Variants in RIPOR3 observed in about 807,000 individuals in gnomAD.
The protein encoded by RIPOR3 is family with sequence similarity 65 member C.
Under a neutral mutation model 114.3 loss-of-function variants are expected in RIPOR3, and 95 were observed. The ratio of observed to expected loss-of-function variants is 0.83; its 90% CI spans 0.70 to 0.99. RIPOR3 has a LOEUF of 0.99. Among genes scored for constraint, RIPOR3 ranks in the 50% least tolerant of loss-of-function variants. The probability of loss-of-function intolerance (pLI) is 0.00; values close to 1 mark genes in which losing one functional copy is unlikely to be tolerated. For synonymous variants in RIPOR3, 575 were observed against 543.8 expected, an observed-to-expected ratio of 1.06 and a Z score of -0.80; for missense variants, 1,252 against 1,266.9, an observed-to-expected ratio of 0.99 and a Z score of 0.18.
chr20:50,630,984 G>C, intron 1 of RIPOR3, 128 bp from the exon 2 acceptor site: 1 of 722,836 alleles, frequency 1.4e-6, no homozygotes, highest in Non-Finnish European at 2.3e-6. Flanking sequence ...GGCTGGTACT[G>C]TGCCCAGCTC....
Position 50,604,629 on chromosome 20 carries a change from G to T in RIPOR3, c.1086+16C>A. The T allele has an allele frequency of 6.2e-7, 1 of 1,600,106 alleles. No individual in the cohort carries two copies. Among genetic ancestry groups the T allele is most frequent in the South Asian group, 1.1e-5 (1 of 89,880 alleles). ...AGGGTGACCACAGCGGCCCTGCCCC[G>T]GGAAGGCTCACTCACCAGGTAGTAT... On this transcript the variant is annotated intron_variant, in intron 12 of 21. Transcript: ENST00000327979.
At chr20:50,609,042 A>G in intron 8 of RIPOR3, 87 bp from the exon 9 acceptor site, 2 of 1,519,332 alleles carry the variant, frequency 1.3e-6, no homozygotes, top group Non-Finnish European at 1.8e-6. Flanking sequence ...TCCCCCGAGT[A>G]TAGATTTTCA....
At position 50,643,792 on chromosome 20, in the gene RIPOR3, G is replaced by A. The variant is rs574642448; in HGVS notation, c.4-12936C>T. Among the ~76,000 whole-genome samples the A allele has an allele frequency of 1.3e-4, 19 of 147,222 alleles. No individual in the cohort carries two copies. The East Asian group carries it at 1.5e-3, about 12-fold the overall frequency. ...GCAATCTCGGCTCACTGCAAGCTCC[G>A]CCTCCCGGGTTCACGCCATTCTGCC... is the stretch of plus-strand genomic sequence containing the variant. On this transcript the variant is annotated intron_variant, in intron 1 of 21. Coordinates refer to ENST00000327979, the MANE Select transcript of RIPOR3 (RefSeq NM_001290268.2).
intron 12 of RIPOR3, 44 bp downstream of exon 12, chr20:50,604,601 C>T (rs1415363485): frequency 6.4e-7 from 1 of 1,570,620 alleles, no homozygotes; most frequent in Non-Finnish European, 8.6e-7. Flanking sequence ...CTGCCCCCAT[C>T]CCAGGGTGAC....
intron 1 of RIPOR3, among the ~76,000 whole-genome samples, chr20:50,687,336 T>A (rs929533798): frequency 1.3e-5 from 2 of 152,252 alleles, no homozygotes; most frequent in Admixed American, 1.3e-4. Flanking sequence ...GGAGTTTGGC[T>A]GCTGGTTTAA....
At chr20:50,590,161 T>C (rs375266121) in intron 19 of RIPOR3, 388 of 235,130 alleles carry the variant, frequency 1.7e-3, no homozygotes, top group African/African-American at 8.2e-3. Context: ...GGCTGCTGCC[T>C]TGGGCCAGAG....
chr20:50,646,441 G>A (rs2085402441), intron 1 of RIPOR3, among the ~76,000 whole-genome samples: 1 of 152,166 alleles, frequency 6.6e-6, no homozygotes, highest in African/African-American at 2.4e-5. Context: ...CCAGGACTGA[G>A]CAACTTTAAG....
At chr20:50,634,210 G>A (rs1415220822) in intron 1 of RIPOR3, among the ~76,000 whole-genome samples, 1 of 151,990 alleles carries the variant, frequency 6.6e-6, no homozygotes, top group Admixed American at 6.6e-5. Context: ...TCGAACTCCT[G>A]AGCTCAAGCG....
At chr20:50,597,520 C>A in intron 14 of RIPOR3, 60 bp downstream of exon 14, 2 of 1,556,112 alleles carry the variant, frequency 1.3e-6, no homozygotes, top group Non-Finnish European at 1.7e-6. Context: ...AAACGTGGAG[C>A]TCGGGTCACC....
At chr20:50,641,318 G>A (rs530935754) in intron 1 of RIPOR3, among the ~76,000 whole-genome samples, 72 of 151,800 alleles carry the variant, frequency 4.7e-4, no homozygotes, top group Admixed American at 2.6e-3. Context: ...GGGTTCAAGC[G>A]ATCCTCCCAT....
chr20:50,688,212 G>A (rs764589923), intron 1 of RIPOR3, among the ~76,000 whole-genome samples: 2 of 152,076 alleles, frequency 1.3e-5, no homozygotes, highest in Admixed American at 1.3e-4. Context: ...GTGCAATGGT[G>A]AGATCACAGC....
At chr20:50,591,987 C>A in intron 19 of RIPOR3, among the ~76,000 whole-genome samples, 1 of 152,144 alleles carries the variant, frequency 6.6e-6, no homozygotes, top group East Asian at 1.9e-4. Flanking sequence ...CCCAGCTACT[C>A]AGGAGGCTGA....
intron 21 of RIPOR3, 138 bp from the exon 22 acceptor site, chr20:50,587,470 C>T (rs1236666111): frequency 1.1e-4 from 76 of 703,508 alleles, no homozygotes; most frequent in South Asian, 8.5e-4. Context: ...GGAGTATGTG[C>T]GGGAGCCCCC....
chr20:50,663,779 A>G (rs2123469825), intron 1 of RIPOR3, among the ~76,000 whole-genome samples: 1 of 152,200 alleles, frequency 6.6e-6, no homozygotes, highest in Non-Finnish European at 1.5e-5. Flanking sequence ...TTGTCCCCCC[A>G]TCCAAGACAA....
At chr20:50,684,059 C>T (rs149604571) in intron 1 of RIPOR3, among the ~76,000 whole-genome samples, 14 of 151,648 alleles carry the variant, frequency 9.2e-5, no homozygotes, top group Non-Finnish European at 1.9e-4. Flanking sequence ...CCATCCTGGG[C>T]GACAGTGTGA....
chr20:50,684,088 A>T (rs1345911570), intron 1 of RIPOR3, among the ~76,000 whole-genome samples: 6 of 152,064 alleles, frequency 3.9e-5, no homozygotes, highest in Non-Finnish European at 8.8e-5. Context: ...CTCAAAAAAA[A>T]AAATAAATCC....
intron 4 of RIPOR3, among the ~76,000 whole-genome samples, chr20:50,613,424 G>A (rs1309217204): frequency 6.6e-6 from 1 of 151,984 alleles, no homozygotes; most frequent in Non-Finnish European, 1.5e-5. Flanking sequence ...CTGGACTCCA[G>A]CCTGGGTGAC....
intron 17 of RIPOR3, 120 bp downstream of exon 17, chr20:50,594,433 C>T (rs889038251): frequency 2.1e-5 from 26 of 1,216,036 alleles, no homozygotes; most frequent in South Asian, 3.1e-5. Flanking sequence ...CGTCCGATGG[C>T]ATGAAGACAC....
chr20:50,596,336 C>A, intron 14 of RIPOR3, 73 bp from the exon 15 acceptor site: 1 of 1,590,020 alleles, frequency 6.3e-7, no homozygotes. Context: ...GGGAACCCTC[C>A]CTTCCCAGCG....
Sources: gnomAD v4.1 joint callset for allele counts (sites outside exome capture counted in the v4.1 genomes callset) on GRCh38, gnomAD v4.1.1 for gene constraint, MANE v1.5 for transcripts, NCBI Gene and HGNC (gene_info 2026-07-23, HGNC 2026-07-21) for gene names.